XCR1: variants seen among roughly 807,000 people sequenced by gnomAD.
XCR1 encodes the protein chemokine XC receptor 1.
For synonymous variants in XCR1, 187 were observed against 188.5 expected (o/e 0.99, Z 0.06); for missense variants, 356 against 424.2 (o/e 0.84, Z 1.41).
At chr3:46,078,136 C>T (rs780859234) in intron 1 of XCR1, among the ~76,000 whole-genome samples, 10 of 152,314 alleles carry the variant, frequency 6.6e-5, no homozygotes, top group South Asian at 4.1e-4. Context: ...CTGGATGCGG[C>T]ACTCCCCAAA....
Position 46,020,886 on chromosome 3 carries a change from C to T in XCR1, c.*60G>A. On this transcript the variant is annotated 3_prime_UTR_variant, in exon 2 of 2. Coordinates refer to ENST00000309285, the MANE Select transcript of XCR1 (RefSeq NM_001024644.2). ...CAATGCTCCTTCCAGGCCCGCTTCT[C>T]CATGACCCCCATTCCAGTCCCTGTC... 1.3e-6 allele frequency: 2 copies of T among 1,561,426 alleles called. No individual in the cohort carries two copies. Among genetic ancestry groups the T allele is most frequent in the Admixed American group, 3.7e-5 (2 of 54,224 alleles).
At chr3:46,042,688 C>T (rs149787475) in intron 5 of XCR1, among the ~76,000 whole-genome samples, 2 of 152,244 alleles carry the variant, frequency 1.3e-5, no homozygotes, top group Non-Finnish European at 2.9e-5. Flanking sequence ...TCAAAAACTT[C>T]CCAATAAAGA....
intron 4 of XCR1, among the ~76,000 whole-genome samples, chr3:46,066,300 A>T (rs1257269102): frequency 6.6e-6 from 1 of 151,072 alleles, no homozygotes; most frequent in Non-Finnish European, 1.5e-5. Flanking sequence ...GCTGGAGTGC[A>T]GCAGTGCAAT....
chr3:46,023,224 C>T (rs899463034), intron 1 of XCR1: 2 of 550,370 alleles, frequency 3.6e-6, no homozygotes, highest in South Asian at 2.4e-5. Flanking sequence ...GACGCGGCTG[C>T]GTCGCGCTCC....
At chr3:46,072,669 T>C (rs950411331) in intron 3 of XCR1, among the ~76,000 whole-genome samples, 1 of 152,198 alleles carries the variant, frequency 6.6e-6, no homozygotes, top group Admixed American at 6.5e-5. Flanking sequence ...GAAGAATTAA[T>C]ATTGTCAAAA....
chr3:46,057,677 T>A (rs1697876349), intron 4 of XCR1, among the ~76,000 whole-genome samples: 1 of 152,066 alleles, frequency 6.6e-6, no homozygotes, highest in Non-Finnish European at 1.5e-5. Flanking sequence ...CCTCCTAGAG[T>A]TGAAAGGCGT....
chr3:46,085,261 G>A (rs1040603711), intron 1 of XCR1, among the ~76,000 whole-genome samples: 10 of 148,920 alleles, frequency 6.7e-5, no homozygotes, highest in Admixed American at 2.7e-4. Flanking sequence ...TCATCACACC[G>A]CGAACACAAG....
At chr3:46,054,332 T>G (rs1372120438) in intron 4 of XCR1, among the ~76,000 whole-genome samples, 1 of 152,124 alleles carries the variant, frequency 6.6e-6, no homozygotes, top group East Asian at 1.9e-4. Flanking sequence ...AGGAAGCGAT[T>G]GCCCTCAGCA....
At chr3:46,041,963 A>C (rs770421021) in intron 5 of XCR1, among the ~76,000 whole-genome samples, 79 of 152,182 alleles carry the variant, frequency 5.2e-4, no homozygotes, top group Non-Finnish European at 9.3e-4. Flanking sequence ...CAGCTTCAGC[A>C]CCCAATTAAC....
At chr3:46,055,129 T>C (rs1298043098) in intron 4 of XCR1, among the ~76,000 whole-genome samples, 4 of 152,160 alleles carry the variant, frequency 2.6e-5, no homozygotes, top group Admixed American at 6.5e-5. Context: ...AACAAGAATT[T>C]TGGACAGAAA....
chr3:46,038,033 T>G (rs1369667846), intron 5 of XCR1, among the ~76,000 whole-genome samples: 1 of 116,660 alleles, frequency 8.6e-6, no homozygotes, highest in Non-Finnish European at 1.9e-5. Flanking sequence ...GTTTTTTGTT[T>G]TTTTTTTTTT....
intron 1 of XCR1, among the ~76,000 whole-genome samples, chr3:46,025,494 G>C (rs1268578079): frequency 6.6e-6 from 1 of 152,032 alleles, no homozygotes. Context: ...AGAGAAATAT[G>C]TTACAGATCT....
chr3:46,041,797 A>C (rs1459758091), intron 5 of XCR1, among the ~76,000 whole-genome samples: 4 of 152,230 alleles, frequency 2.6e-5, no homozygotes. Context: ...TAGTATTCAG[A>C]CAATGAAACA....
intron 1 of XCR1, among the ~76,000 whole-genome samples, chr3:46,082,476 CTTTTTTTT>C (rs61282576): frequency 1.0e-5 from 1 of 100,036 alleles, no homozygotes; most frequent in East Asian, 3.2e-4. Context: ...AATCAGGCTC[CTTTTTTTT>C]TTTTTTTTTT....
At chr3:46,078,579 G>A (rs1313749178) in intron 1 of XCR1, among the ~76,000 whole-genome samples, 1 of 152,224 alleles carries the variant, frequency 6.6e-6, no homozygotes, top group African/African-American at 2.4e-5. Flanking sequence ...TTGGGGAAGG[G>A]AGGTCTGGGT....
chr3:46,025,124 C>G (rs2125894106), intron 1 of XCR1, among the ~76,000 whole-genome samples: 1 of 151,652 alleles, frequency 6.6e-6, no homozygotes, highest in Non-Finnish European at 1.5e-5. Context: ...GTGACATAAG[C>G]TAGAAATAGA....
chr3:46,058,375 C>A (rs1697894130), intron 4 of XCR1, among the ~76,000 whole-genome samples: 1 of 152,160 alleles, frequency 6.6e-6, no homozygotes, highest in Admixed American at 6.5e-5. Flanking sequence ...CTCAGGGCTT[C>A]AAATTGCCAG....
chr3:46,070,994 C>A (rs1015607314), intron 3 of XCR1, among the ~76,000 whole-genome samples: 3 of 151,862 alleles, frequency 2.0e-5, no homozygotes, highest in Non-Finnish European at 4.4e-5. Flanking sequence ...GAATACCAAC[C>A]TTTTGTTTCC....
chr3:46,026,516 A>G (rs780691191), intron 1 of XCR1, among the ~76,000 whole-genome samples: 3 of 152,128 alleles, frequency 2.0e-5, no homozygotes, highest in East Asian at 3.8e-4. Context: ...TTCTTTCAGC[A>G]TAAGAAAAAT....
Sources: gnomAD v4.1 joint callset for allele counts (sites outside exome capture counted in the v4.1 genomes callset) on GRCh38, gnomAD v4.1.1 for gene constraint, MANE v1.5 for transcripts, NCBI Gene and HGNC (gene_info 2026-07-23, HGNC 2026-07-21) for gene names.